Variants in DLC1 observed in about 807,000 individuals in gnomAD.
DLC1 encodes rho GTPase-activating protein 7.
Under a neutral mutation model 140.3 loss-of-function variants are expected in DLC1, and 54 were observed. That is an observed-to-expected ratio of 0.38 (90% CI 0.31 to 0.48). DLC1 has a LOEUF of 0.48. DLC1 is among the 20% of genes least tolerant of loss of function. The pLI, the probability that DLC1 is intolerant of heterozygous loss-of-function variation, is 0.96. For synonymous variants in DLC1, 986 were observed against 728.1 expected, an observed-to-expected ratio of 1.35 and a Z score of -5.70; for missense variants, 2,536 against 1,907.0, an observed-to-expected ratio of 1.33 and a Z score of -6.14.
chr8:13,541,619 G>A (rs915510205), intron 1 of DLC1, among the ~76,000 whole-genome samples: 4 of 152,048 alleles, frequency 2.6e-5, no homozygotes, highest in Admixed American at 2.0e-4. Flanking sequence ...GCGCGATCTC[G>A]GCTCACTGCA....
intron 1 of DLC1, chr8:13,567,050 A>C: frequency 6.4e-7 from 1 of 1,551,706 alleles, no homozygotes; most frequent in East Asian, 2.4e-5. Flanking sequence ...AACCTTTCTG[A>C]TGAGACTGAG....
At chr8:13,567,663 AT>A (rs1453652199) in intron 1 of DLC1, 1 of 1,551,722 alleles carries the variant, frequency 6.4e-7, no homozygotes, top group Non-Finnish European at 8.7e-7. Flanking sequence ...TACTGGAGTC[AT>A]TTCTACTCCA....
intron 5 of DLC1, among the ~76,000 whole-genome samples, chr8:13,209,686 G>T (rs1013052701): frequency 2.0e-5 from 3 of 152,022 alleles, no homozygotes; most frequent in African/African-American, 7.2e-5. Flanking sequence ...GATAGTCAAT[G>T]AGTTCTTATG....
At chr8:13,208,122 A>G (rs1827764092) in intron 5 of DLC1, among the ~76,000 whole-genome samples, 1 of 152,202 alleles carries the variant, frequency 6.6e-6, no homozygotes, top group African/African-American at 2.4e-5. Context: ...TCAGTGAGCA[A>G]CGTCACATGT....
At chr8:13,498,808 T>G in intron 2 of DLC1, 1 of 405,728 alleles carries the variant, frequency 2.5e-6, no homozygotes. Context: ...TTCAACACAA[T>G]TCTGAAATAG....
At chr8:13,588,361 C>T (rs1186398991) in intron 1 of DLC1, among the ~76,000 whole-genome samples, 1 of 151,976 alleles carries the variant, frequency 6.6e-6, no homozygotes, top group East Asian at 1.9e-4. Context: ...AGGAGGAAGT[C>T]ATTATTTTGA....
chr8:13,527,428 C>A (rs1802950672), intron 1 of DLC1, among the ~76,000 whole-genome samples: 1 of 152,090 alleles, frequency 6.6e-6, no homozygotes, highest in African/African-American at 2.4e-5. Context: ...ACAAATGTTG[C>A]ATTCCTGGGA....
intron 4 of DLC1, among the ~76,000 whole-genome samples, chr8:13,338,410 C>A (rs1192647405): frequency 6.6e-6 from 1 of 152,086 alleles, no homozygotes; most frequent in African/African-American, 2.4e-5. Flanking sequence ...CTGCATTGGG[C>A]CCTTGCTTGA....
chr8:13,183,580 G>GT (rs906737560), intron 5 of DLC1, among the ~76,000 whole-genome samples: 2 of 152,032 alleles, frequency 1.3e-5, no homozygotes, highest in African/African-American at 2.4e-5. Context: ...TAATCATGTG[G>GT]TTTTTTTCAT....
At chr8:13,538,628 C>T (rs1269009819) in intron 1 of DLC1, among the ~76,000 whole-genome samples, 1 of 152,104 alleles carries the variant, frequency 6.6e-6, no homozygotes, top group African/African-American at 2.4e-5. Context: ...GGCTTCATTT[C>T]AGCCAGTAAT....
chr8:13,313,293 T>C (rs1193929837), intron 4 of DLC1, among the ~76,000 whole-genome samples: 1 of 152,218 alleles, frequency 6.6e-6, no homozygotes, highest in Non-Finnish European at 1.5e-5. Flanking sequence ...CACAGTCTTT[T>C]GCTAAGTGCA....
intron 2 of DLC1, among the ~76,000 whole-genome samples, chr8:13,426,442 A>G (rs910247557): frequency 2.0e-5 from 3 of 152,170 alleles, no homozygotes; most frequent in East Asian, 1.9e-4. Context: ...AGTTATCTGA[A>G]TAGTTACCTC....
chr8:13,357,483 C>G (rs1835003418), intron 4 of DLC1, among the ~76,000 whole-genome samples: 1 of 152,206 alleles, frequency 6.6e-6, no homozygotes, highest in South Asian at 2.1e-4. Flanking sequence ...TATAGAAGAG[C>G]ACTGATGACC....
At chr8:13,104,907 A>C (rs878920712) in intron 7 of DLC1, among the ~76,000 whole-genome samples, 1 of 152,344 alleles carries the variant, frequency 6.6e-6, no homozygotes, top group South Asian at 2.1e-4. Context: ...AGGTCCCTCT[A>C]TTGGGGGTAT....
In DLC1 at chr8:13,199,342, C is replaced by G. The variant is rs1248906357; in HGVS notation, c.1349-83685G>C. On this transcript the variant is annotated intron_variant, in intron 5 of 17. Transcript: ENST00000276297. ...GGGAATACAGGCATGCACCACCACA[C>G]CTGGCTGATTTTTAAATTTTTTTGT... Among the ~76,000 whole-genome samples, 3 of 152,066 alleles carry G rather than the reference C, an allele frequency of 2.0e-5. No individual in the cohort carries two copies. The East Asian group carries it at 5.8e-4, about 29-fold the overall frequency.
At chr8:13,330,022 TG>T (rs1833522733) in intron 4 of DLC1, among the ~76,000 whole-genome samples, 1 of 152,166 alleles carries the variant, frequency 6.6e-6, no homozygotes, top group Non-Finnish European at 1.5e-5. Context: ...TGGAGTGCAG[TG>T]GCATGATCGT....
intron 5 of DLC1, among the ~76,000 whole-genome samples, chr8:13,291,392 T>C (rs1314410367): frequency 6.6e-6 from 1 of 152,250 alleles, no homozygotes; most frequent in Non-Finnish European, 1.5e-5. Flanking sequence ...AGTACTGTGA[T>C]ACTAATATGT....
chr8:13,214,758 C>CT, intron 5 of DLC1: 1 of 780,880 alleles, frequency 1.3e-6, no homozygotes, highest in Non-Finnish European at 2.4e-6. Context: ...CCACTTCCAA[C>CT]TTTACTGATT....
At chr8:13,151,679 C>T (rs2128977715) in intron 5 of DLC1, among the ~76,000 whole-genome samples, 1 of 152,258 alleles carries the variant, frequency 6.6e-6, no homozygotes, top group East Asian at 1.9e-4. Context: ...GAAGTTGACC[C>T]CAGCCTACTC....
Sources: allele counts gnomAD v4.1 joint callset (sites outside exome capture counted in the v4.1 genomes callset), GRCh38; gene constraint gnomAD v4.1.1; transcripts MANE v1.5; gene names NCBI Gene and HGNC (gene_info 2026-07-23, HGNC 2026-07-21).